The following REEP1 variants were observed in gnomAD, a reference collection of about 807,000 sequenced individuals.
The protein encoded by REEP1 is receptor accessory protein 1.
Under a neutral mutation model 40.3 loss-of-function variants are expected in REEP1, and 22 were observed. That is an observed-to-expected ratio of 0.55 (90% CI 0.39 to 0.78). REEP1 has a LOEUF of 0.78. Ranked by LOEUF, REEP1 falls within the 30% of genes least tolerant of loss-of-function variation. The pLI, the probability that REEP1 is intolerant of heterozygous loss-of-function variation, is 0.00. For missense variants in REEP1, 280 were observed against 361.1 expected (o/e 0.78, Z 1.82); for synonymous variants, 116 against 139.2 (o/e 0.83, Z 1.17).
chr2:86,226,646 T>A (rs1008037990), intron 7 of REEP1, among the ~76,000 whole-genome samples: 2 of 150,632 alleles, frequency 1.3e-5, no homozygotes, highest in Admixed American at 6.6e-5. Context: ...TTTTTTTTTT[T>A]AATTGTAGAG....
chr2:86,286,717 A>G (rs890137493), intron 1 of REEP1, among the ~76,000 whole-genome samples: 1 of 152,164 alleles, frequency 6.6e-6, no homozygotes, highest in Non-Finnish European at 1.5e-5. Context: ...GCCAGAAGAG[A>G]GAGATTGCTG....
At chr2:86,286,514 GTCATTTTTTGAACCCCAAGGT>G (rs1409013118) in intron 1 of REEP1, among the ~76,000 whole-genome samples, 3 of 152,130 alleles carry the variant, frequency 2.0e-5, no homozygotes, top group Non-Finnish European at 4.4e-5. Context: ...ACCATCAAGG[GTCATTTTTTGAACCCCAAGGT>G]TCATTTTTTT....
chr2:86,266,567 C>T lies in REEP1; in HGVS notation c.106-2526G>A, dbSNP rs546088939. Among the ~76,000 whole-genome samples, 30 of 149,908 alleles carry T rather than the reference C, an allele frequency of 2.0e-4. No homozygotes were observed. In the South Asian group the frequency reaches 3.0e-3, roughly 15 times the overall value. On this transcript the variant is annotated intron_variant, in intron 2 of 8. Coordinates refer to ENST00000538924, the MANE Select transcript of REEP1 (RefSeq NM_001371279.1). ...CCGGGAAGCGGAGCTTGCAGTGAGC[C>T]GAGATTGCGCCACTGCAGTCCGCAG...
At chr2:86,338,052 G>T, upstream of REEP1, 1 of 1,537,240 alleles carries the variant, frequency 6.5e-7, no homozygotes, top group South Asian at 1.2e-5. Context: ...TCTTCAGTCT[G>T]TCCGTTGCTC....
chr2:86,310,654 T>C (rs1232647855), intron 1 of REEP1, among the ~76,000 whole-genome samples: 1 of 152,150 alleles, frequency 6.6e-6, no homozygotes, highest in Non-Finnish European at 1.5e-5. Context: ...ACCTTTCTAA[T>C]CTTTCCTAGA....
At chr2:86,264,891 G>A (rs7583979) in intron 2 of REEP1, among the ~76,000 whole-genome samples, 1 of 152,196 alleles carries the variant, frequency 6.6e-6, no homozygotes, top group African/African-American at 2.4e-5. Context: ...CAGTGCGGCT[G>A]AGGACAGTCC....
At position 86,251,571 on chromosome 2, in the gene REEP1, A is replaced by G. The variant is rs2303360; in HGVS notation, c.417+386T>C. 7.9e-3 allele frequency: 2,518 copies of G among 318,624 alleles called. 117 individuals are homozygous for G. In the East Asian group the frequency reaches 0.13, roughly 16 times the overall value. The allele number at this position is 318,624 out of a possible 1,614,324, so 19.7% of individuals were successfully genotyped here. The stretch of plus-strand genomic sequence containing the variant: ...GCGACTCTCCCAGTGCACCCTAGGA[A>G]ACTGCAGAGAAGCACTCTCTCCCTC... On this transcript the variant is annotated intron_variant, in intron 5 of 8. Coordinates refer to ENST00000538924, the MANE Select transcript of REEP1 (RefSeq NM_001371279.1).
intron 1 of REEP1, among the ~76,000 whole-genome samples, chr2:86,287,236 C>T (rs934826606): frequency 2.0e-5 from 3 of 152,040 alleles, no homozygotes; most frequent in African/African-American, 7.2e-5. Flanking sequence ...TACAGGTGTG[C>T]ATCACCACAT....
At chr2:86,253,732 A>G (rs1173778849) in intron 4 of REEP1, among the ~76,000 whole-genome samples, 3 of 152,244 alleles carry the variant, frequency 2.0e-5, no homozygotes, top group Non-Finnish European at 4.4e-5. Context: ...AAACTTGTAC[A>G]GTAGCCTGCT....
intron 1 of REEP1, among the ~76,000 whole-genome samples, chr2:86,299,373 T>G (rs1216646433): frequency 6.6e-6 from 1 of 152,190 alleles, no homozygotes; most frequent in Non-Finnish European, 1.5e-5. Context: ...ATGACCCCAC[T>G]CCAAGTGTGG....
At chr2:86,337,854 C>A (rs1681128098), upstream of REEP1, among the ~76,000 whole-genome samples, 1 of 152,110 alleles carries the variant, frequency 6.6e-6, no homozygotes, top group African/African-American at 2.4e-5. The surrounding 1 kb of genome is among the most constrained non-coding windows in gnomAD (Gnocchi z 5.8). Context: ...CCAAAGGAAC[C>A]CTGCAGCGGC....
At chr2:86,233,693 T>TCAGGG (rs1675148141) in intron 5 of REEP1, among the ~76,000 whole-genome samples, 1 of 152,118 alleles carries the variant, frequency 6.6e-6, no homozygotes, top group South Asian at 2.1e-4. Context: ...GGGAGGAGAC[T>TCAGGG]GGGGAAATTG....
At chr2:86,330,688 T>C (rs765370900) in intron 1 of REEP1, among the ~76,000 whole-genome samples, 1 of 152,032 alleles carries the variant, frequency 6.6e-6, no homozygotes, top group Non-Finnish European at 1.5e-5. Context: ...TCAAGTGATC[T>C]GTCCACCTCT....
intron 3 of REEP1, among the ~76,000 whole-genome samples, chr2:86,259,897 G>A (rs910560917): frequency 6.6e-6 from 1 of 152,128 alleles, no homozygotes; most frequent in Non-Finnish European, 1.5e-5. Flanking sequence ...AGGAAAAGAA[G>A]GTCCATACAA....
At position 86,266,305 on chromosome 2, in the gene REEP1, C is replaced by A. The variant is rs185757131; in HGVS notation, c.106-2264G>T. On this transcript the variant is annotated intron_variant, in intron 2 of 8. Coordinates refer to ENST00000538924, the MANE Select transcript of REEP1 (RefSeq NM_001371279.1). ...TAATTAAATATTTCTGACCTTGGAT[C>A]AGGCAATGCTTTCTTAGATGTACTA... is the stretch of plus-strand genomic sequence containing the variant. Among the ~76,000 whole-genome samples, 1,066 of 152,366 alleles carry A rather than the reference C, an allele frequency of 7.0e-3. 5 individuals carry two copies. Among genetic ancestry groups the A allele is most frequent in the Non-Finnish European group, 0.011 (745 of 68,038 alleles).
rs1281579531 is a variant in REEP1 at position 86,337,112 on chromosome 2, G to C, written c.32+367C>G. On this transcript the variant is annotated intron_variant, in intron 1 of 8. Coordinates refer to ENST00000538924, the MANE Select transcript of REEP1 (RefSeq NM_001371279.1). This position sits in a 1 kb window ranked among gnomAD's most constrained non-coding sequence, Gnocchi z 5.8. ...GGGCGACCTCACATTTCTGCCAAAGGAGAGAGACGCGTGTCCGCGGTGCGC... is the reference window on the plus strand; with the variant it reads ...GGGCGACCTCACATTTCTGCCAAAGCAGAGAGACGCGTGTCCGCGGTGCGC... 1 of 155,146 alleles carries C rather than the reference G, an allele frequency of 6.4e-6. No homozygotes were observed. The highest frequency in any genetic ancestry group is 1.4e-5 in the Non-Finnish European group (1 of 70,034). The allele number at this position is 155,146 out of a possible 1,614,324, so 9.6% of individuals were successfully genotyped here.
At chr2:86,231,849 G>A (rs998540987) in intron 6 of REEP1, among the ~76,000 whole-genome samples, 3 of 152,162 alleles carry the variant, frequency 2.0e-5, no homozygotes, top group Non-Finnish European at 4.4e-5. Context: ...CCGATGTCGG[G>A]GGGTCCCAAA....
chr2:86,228,608 G>A (rs1375489051), intron 6 of REEP1, among the ~76,000 whole-genome samples: 2 of 151,976 alleles, frequency 1.3e-5, no homozygotes, highest in South Asian at 2.1e-4. Flanking sequence ...ACAGGCACCC[G>A]CCTTCACGCC....
intron 1 of REEP1, among the ~76,000 whole-genome samples, chr2:86,321,725 T>C (rs10200619): frequency 0.62 from 94,688 of 152,144 alleles, 30,595 homozygotes; most frequent in African/African-American, 0.81. Flanking sequence ...TCAATGAAAG[T>C]GTTAGATAAA....
Sources: allele counts gnomAD v4.1 joint callset (sites outside exome capture counted in the v4.1 genomes callset), GRCh38; gene constraint gnomAD v4.1.1; non-coding constraint Gnocchi (gnomAD v3.1); transcripts MANE v1.5; gene names NCBI Gene and HGNC (gene_info 2026-07-23, HGNC 2026-07-21).